The following RANBP17 variants were observed in gnomAD, a reference collection of about 807,000 sequenced individuals.
The protein encoded by RANBP17 is ran-binding protein 17.
RANBP17 carries 158 observed loss-of-function variants against 141.2 expected under a neutral mutation model. The ratio of observed to expected loss-of-function variants is 1.12; its 90% CI spans 0.98 to 1.28. The LOEUF (loss-of-function observed/expected upper bound fraction) is 1.28. Ranked by LOEUF, RANBP17 falls within the 50% of genes most tolerant of loss-of-function variation. RANBP17 has a pLI of 0.00. For missense variants in RANBP17, 1,438 were observed against 1,290.7 expected (o/e 1.11, Z -1.75); for synonymous variants, 430 against 450.0 (o/e 0.96, Z 0.56).
At chr5:170,941,663 A>G (rs1157865387) in intron 12 of RANBP17, among the ~76,000 whole-genome samples, 1 of 152,196 alleles carries the variant, frequency 6.6e-6, no homozygotes. Flanking sequence ...AAAAACATAA[A>G]TGGTGCATAT....
chr5:170,917,989 A>G (rs1581141616), intron 9 of RANBP17, among the ~76,000 whole-genome samples: 1 of 152,152 alleles, frequency 6.6e-6, no homozygotes, highest in South Asian at 2.1e-4. Flanking sequence ...TCAGTTTTAC[A>G]AAGATACTTT....
At chr5:171,240,295 A>G (rs1395917024) in intron 22 of RANBP17, among the ~76,000 whole-genome samples, 1 of 152,158 alleles carries the variant, frequency 6.6e-6, no homozygotes, top group Non-Finnish European at 1.5e-5. Flanking sequence ...TTGTCTTCTG[A>G]TGGTCAACGC....
intron 18 of RANBP17, among the ~76,000 whole-genome samples, chr5:171,186,585 G>A (rs1761268011): frequency 9.4e-6 from 1 of 106,088 alleles, no homozygotes; most frequent in Non-Finnish European, 1.7e-5. Flanking sequence ...CGCCCAGGCT[G>A]GAGTGCAGTG....
chr5:170,887,207 G>A (rs60896957), intron 3 of RANBP17, among the ~76,000 whole-genome samples: 6 of 152,168 alleles, frequency 3.9e-5, no homozygotes, highest in African/African-American at 1.4e-4. Context: ...GATATGTCTT[G>A]TGCAAATATT....
intron 13 of RANBP17, among the ~76,000 whole-genome samples, chr5:170,965,010 A>G (rs1168045924): frequency 7.2e-5 from 11 of 152,178 alleles, no homozygotes; most frequent in Middle Eastern, 3.2e-3. Flanking sequence ...TTACAGTCCC[A>G]CCAACTGTGT....
intron 14 of RANBP17, among the ~76,000 whole-genome samples, chr5:171,042,782 G>A (rs1393371438): frequency 6.6e-6 from 1 of 152,048 alleles, no homozygotes; most frequent in Non-Finnish European, 1.5e-5. Context: ...CACTCTAGGG[G>A]GGGTCATCAT....
At chr5:170,912,758 T>C (rs1033351524) in intron 7 of RANBP17, among the ~76,000 whole-genome samples, 1 of 151,284 alleles carries the variant, frequency 6.6e-6, no homozygotes, top group Non-Finnish European at 1.5e-5. Context: ...CGGTTAGGAG[T>C]TCTAGAAAGA....
At chr5:170,987,918 TG>T (rs1778257487) in intron 14 of RANBP17, among the ~76,000 whole-genome samples, 1 of 151,386 alleles carries the variant, frequency 6.6e-6, no homozygotes, top group Non-Finnish European at 1.5e-5. Context: ...TTTAATAAGC[TG>T]ACTTTTACTA....
intron 3 of RANBP17, among the ~76,000 whole-genome samples, chr5:170,890,224 G>A (rs1025948271): frequency 3.9e-5 from 6 of 152,122 alleles, no homozygotes; most frequent in Non-Finnish European, 7.4e-5. Flanking sequence ...AAAAATAAAA[G>A]TGTAATTGAA....
chr5:171,254,943 T>C (rs1468315508), intron 24 of RANBP17, among the ~76,000 whole-genome samples: 2 of 152,224 alleles, frequency 1.3e-5, no homozygotes, highest in Non-Finnish European at 2.9e-5. Context: ...TTTGGCTCAG[T>C]AAATGACTTC....
At chr5:170,991,788 T>C (rs1216357743) in intron 14 of RANBP17, among the ~76,000 whole-genome samples, 1 of 152,020 alleles carries the variant, frequency 6.6e-6, no homozygotes, top group Non-Finnish European at 1.5e-5. Context: ...CAAAAAAACA[T>C]AGCTGCTGTT....
At chr5:171,268,717 T>C (rs1012337911) in intron 25 of RANBP17, among the ~76,000 whole-genome samples, 1 of 152,058 alleles carries the variant, frequency 6.6e-6, no homozygotes, top group Non-Finnish European at 1.5e-5. Flanking sequence ...TACCCCACCA[T>C]GGCAAGGGAC....
chr5:171,198,183 A>G (rs546914338), intron 18 of RANBP17, among the ~76,000 whole-genome samples: 1 of 152,380 alleles, frequency 6.6e-6, no homozygotes, highest in East Asian at 1.9e-4. Context: ...GGTCTATGTT[A>G]TCACCAGTTA....
In RANBP17 at chr5:170,910,951, A is replaced by G. The variant is rs1344751574; in HGVS notation, c.595-18A>G. On this transcript the variant is annotated intron_variant, in intron 6 of 27. Coordinates refer to ENST00000523189, the MANE Select transcript of RANBP17 (RefSeq NM_022897.5). ...GATGTATTTCGCAGTGTTTTCTTTGATTTTGTACTTTTTTCAGGTGTTTGC... is the reference window on the plus strand; with the variant it reads ...GATGTATTTCGCAGTGTTTTCTTTGGTTTTGTACTTTTTTCAGGTGTTTGC... 1.2e-6 allele frequency: 2 copies of G among 1,606,402 alleles called. No homozygotes were observed. Among genetic ancestry groups the G allele is most frequent in the Non-Finnish European group, 1.7e-6 (2 of 1,176,322 alleles).
intron 14 of RANBP17, among the ~76,000 whole-genome samples, chr5:171,125,340 A>C (rs1364099526): frequency 6.6e-6 from 1 of 150,998 alleles, no homozygotes; most frequent in Non-Finnish European, 1.5e-5. Context: ...GGAAAAAGAT[A>C]TTCCACACAC....
intron 14 of RANBP17, among the ~76,000 whole-genome samples, chr5:171,147,836 T>G (rs191351846): frequency 1.3e-5 from 2 of 152,046 alleles, no homozygotes; most frequent in Non-Finnish European, 2.9e-5. Flanking sequence ...CCGGCCGCCC[T>G]TACTGGGAAG....
At chr5:171,090,164 A>G (rs540956246) in intron 14 of RANBP17, among the ~76,000 whole-genome samples, 1 of 152,328 alleles carries the variant, frequency 6.6e-6, no homozygotes, top group South Asian at 2.1e-4. Flanking sequence ...GGAACTCCCT[A>G]GAGACTTGTT....
intron 8 of RANBP17, among the ~76,000 whole-genome samples, chr5:170,915,524 T>C (rs1308683848): frequency 1.3e-5 from 2 of 152,158 alleles, no homozygotes; most frequent in Non-Finnish European, 2.9e-5. Flanking sequence ...TTTTTGTTTT[T>C]GTTTTTGTTT....
chr5:170,921,720 G>A (rs567014475), intron 11 of RANBP17, among the ~76,000 whole-genome samples: 2 of 152,292 alleles, frequency 1.3e-5, no homozygotes, highest in Admixed American at 6.5e-5. Flanking sequence ...CTATCCATGA[G>A]CATGGAATGT....
Sources: allele counts gnomAD v4.1 joint callset (sites outside exome capture counted in the v4.1 genomes callset), GRCh38; gene constraint gnomAD v4.1.1; transcripts MANE v1.5; gene names NCBI Gene and HGNC (gene_info 2026-07-23, HGNC 2026-07-21).